Variants in NCOR1 observed in about 807,000 individuals in gnomAD.
The protein encoded by NCOR1 is protein phosphatase 1, regulatory subunit 109.
NCOR1 carries 63 observed loss-of-function variants against 288.1 expected under a neutral mutation model. That is an observed-to-expected ratio of 0.22 (90% CI 0.18 to 0.27). The LOEUF is 0.27. Ranked by LOEUF, NCOR1 falls within the 10% of genes least tolerant of loss-of-function variation. The pLI, the probability that NCOR1 is intolerant of heterozygous loss-of-function variation, is 1.00. For synonymous variants in NCOR1, 1,007 were observed against 1,065.9 expected, an observed-to-expected ratio of 0.94 and a Z score of 1.08; for missense variants, 2,397 against 3,019.2, an observed-to-expected ratio of 0.79 and a Z score of 4.83.
intron 3 of NCOR1, among the ~76,000 whole-genome samples, chr17:16,177,537 T>G (rs1033538203): frequency 6.6e-5 from 10 of 152,164 alleles, no homozygotes; most frequent in Admixed American, 6.6e-4. Flanking sequence ...TGGCATGTAG[T>G]CATCTTCTCT....
intron 14 of NCOR1, among the ~76,000 whole-genome samples, chr17:16,127,389 A>G (rs907249755): frequency 7.9e-6 from 1 of 126,074 alleles, no homozygotes; most frequent in African/African-American, 3.2e-5. Flanking sequence ...ATGTATGTAT[A>G]TATACATGTG....
chr17:16,181,164 A>G (rs28812233), intron 3 of NCOR1, among the ~76,000 whole-genome samples: 25 of 151,788 alleles, frequency 1.6e-4, no homozygotes, highest in Non-Finnish European at 2.1e-4. Flanking sequence ...GTCTAAAAAA[A>G]AAAGAAAGAA....
chr17:16,158,686 A>T, intron 6 of NCOR1, 74 bp downstream of exon 6: 2 of 804,458 alleles, frequency 2.5e-6, no homozygotes, highest in Non-Finnish European at 4.0e-6. Flanking sequence ...TTATACCAGG[A>T]TACATTCAAA....
At chr17:16,070,637 G>T (rs1015305047) in intron 30 of NCOR1, 112 bp from the exon 31 acceptor site, 4 of 1,423,166 alleles carry the variant, frequency 2.8e-6, no homozygotes, top group African/African-American at 1.4e-5. Context: ...ATCTTTTTTG[G>T]TCTGTTTACA....
At chr17:16,108,073 T>G (rs1416820482) in intron 19 of NCOR1, among the ~76,000 whole-genome samples, 1 of 148,744 alleles carries the variant, frequency 6.7e-6, no homozygotes, top group Non-Finnish European at 1.5e-5. Context: ...AAAAAGAAAA[T>G]GATGGAAAAA....
chr17:16,034,842 A>G lies in NCOR1; in HGVS notation c.7058T>C (p.Val2353Ala). The change falls in exon 45 of 46, where the codon GTC (valine) becomes GCC (alanine). Residue 2353 changes from valine to alanine, a missense_variant. This residue lies in a region of NCOR1 where 1,872 missense variants were observed against 2,187.8 expected (regional missense o/e 0.86). Transcript: ENST00000268712. ...GYLGTERPSS[V>A]SSVHSEGDYH... ...ATCCCCTTCTGAATGTACAGAGGAGACTGAAGAGGGCCGTTCCGTTCCTAA... is the reference window on the plus strand; with the variant it reads ...ATCCCCTTCTGAATGTACAGAGGAGGCTGAAGAGGGCCGTTCCGTTCCTAA... 6.2e-7 allele frequency: 1 copy of G among 1,614,100 alleles called. No individual in the cohort carries two copies. Among genetic ancestry groups the G allele is most frequent in the Non-Finnish European group, 8.5e-7 (1 of 1,180,006 alleles).
At chr17:16,134,725 G>T (rs144788783) in intron 14 of NCOR1, among the ~76,000 whole-genome samples, 168 of 152,274 alleles carry the variant, frequency 1.1e-3, no homozygotes, top group African/African-American at 3.9e-3. Flanking sequence ...TGCTAATCTG[G>T]CAAAGGTTAA....
intron 2 of NCOR1, among the ~76,000 whole-genome samples, chr17:16,192,481 C>T (rs1163618924): frequency 6.6e-6 from 1 of 152,164 alleles, no homozygotes; most frequent in Non-Finnish European, 1.5e-5. Flanking sequence ...CATGGTGAAA[C>T]GCCATCTCTA....
At chr17:16,070,841 C>T (rs1281848348) in intron 30 of NCOR1, among the ~76,000 whole-genome samples, 1 of 150,820 alleles carries the variant, frequency 6.6e-6, no homozygotes, top group Non-Finnish European at 1.5e-5. Flanking sequence ...ACCAGCCTGA[C>T]CAACATGGAG....
At chr17:16,081,011 AT>A (rs2063312091) in intron 23 of NCOR1, among the ~76,000 whole-genome samples, 1 of 151,940 alleles carries the variant, frequency 6.6e-6, no homozygotes, top group Non-Finnish European at 1.5e-5. Context: ...AAGCACTTAT[AT>A]GTTGCAATCA....
At chr17:16,118,269 G>C (rs2072146633) in intron 17 of NCOR1, among the ~76,000 whole-genome samples, 1 of 152,040 alleles carries the variant, frequency 6.6e-6, no homozygotes, top group Admixed American at 6.5e-5. Context: ...GCTAAACCTT[G>C]TCCTTCCTAT....
intron 18 of NCOR1, among the ~76,000 whole-genome samples, chr17:16,116,151 C>T (rs574437513): frequency 2.6e-5 from 4 of 152,234 alleles, no homozygotes; most frequent in African/African-American, 4.8e-5. Flanking sequence ...TTCACTATCA[C>T]GAGAATAGCA....
rs768271137 is a variant in NCOR1, at chr17:16,171,952, G to T, written c.286C>A (p.Pro96Thr). 1.9e-6 allele frequency: 3 copies of T among 1,606,548 alleles called. No individual in the cohort carries two copies. The highest frequency in any genetic ancestry group is 2.5e-6 in the Non-Finnish European group (3 of 1,176,946). Reference protein sequence around the residue: ...RTSYEPFHPGPSPVDHDSLES... With the variant: ...RTSYEPFHPGTSPVDHDSLES... Reference sequence around the variant, plus strand: ...AGTGAATCATGATCCACTGGGGATGGGCCTGGATGAAACGGTTCATAACTA... The same window carrying T: ...AGTGAATCATGATCCACTGGGGATGTGCCTGGATGAAACGGTTCATAACTA... Residue 96 changes from proline (P) to threonine (T), a missense_variant, in exon 4 of 46, where the codon CCA becomes ACA. Pro to Thr is a conservative substitution (Grantham distance 38). Transcript: ENST00000268712.
intron 2 of NCOR1, among the ~76,000 whole-genome samples, chr17:16,193,682 CA>C (rs1600321034): frequency 6.6e-6 from 1 of 151,926 alleles, no homozygotes. Context: ...CCTCTTCAAC[CA>C]AAAAAGGCAT....
chr17:16,143,300 T>G (rs1378547860), intron 11 of NCOR1, among the ~76,000 whole-genome samples: 1 of 152,316 alleles, frequency 6.6e-6, no homozygotes, highest in East Asian at 1.9e-4. Flanking sequence ...CCATTCTACC[T>G]TTCTATTACA....
At chr17:16,044,708 G>A (rs150721274) in intron 42 of NCOR1, 2 of 708,292 alleles carry the variant, frequency 2.8e-6, no homozygotes, top group Admixed American at 1.8e-5. Flanking sequence ...TAAGATCAAT[G>A]CCCTCGTTAA....
rs374007069 is a variant in NCOR1, at chr17:16,149,434, C to G, written c.909+17G>C. 14 of 1,461,402 alleles carry G rather than the reference C, an allele frequency of 9.6e-6. No homozygotes were observed. The African/African-American group carries it at 2.0e-4, about 21-fold the overall frequency. 90.5% of individuals were successfully genotyped at this position (1,461,402 alleles called of 1,614,324 possible). ...GGAAAGCTGTATAAATTTCAGTTAA[C>G]AAGGATAGGACCTCACCCTTTGTTT... On this transcript the variant is annotated intron_variant, in intron 9 of 45. Coordinates refer to ENST00000268712, the MANE Select transcript of NCOR1 (RefSeq NM_006311.4).
chr17:16,097,258 G>A (rs1251800929), intron 21 of NCOR1, among the ~76,000 whole-genome samples: 2 of 152,212 alleles, frequency 1.3e-5, no homozygotes, highest in Non-Finnish European at 2.9e-5. Context: ...CTTCTTTGGG[G>A]ATTGGGGTAG....
chr17:16,056,308 CTTTTTTTTT>C (rs71299858), intron 40 of NCOR1, among the ~76,000 whole-genome samples: 1 of 96,006 alleles, frequency 1.0e-5, no homozygotes, highest in Non-Finnish European at 2.0e-5. Flanking sequence ...TTCTTTTTAT[CTTTTTTTTT>C]TTTTTTTTTT....
Sources: allele counts gnomAD v4.1 joint callset (sites outside exome capture counted in the v4.1 genomes callset), GRCh38; gene constraint gnomAD v4.1.1; regional missense constraint gnomAD v4.1.1; transcripts MANE v1.5; gene names NCBI Gene and HGNC (gene_info 2026-07-23, HGNC 2026-07-21).